UBE3D: variants seen among roughly 807,000 people sequenced by gnomAD.
UBE3D encodes the protein E3 ubiquitin-protein ligase E3D.
UBE3D carries 48 observed loss-of-function variants against 49.6 expected under a neutral mutation model. The ratio of observed to expected loss-of-function variants is 0.97; its 90% confidence interval spans 0.77 to 1.23. UBE3D has a LOEUF of 1.23. Among genes scored for constraint, UBE3D ranks in the 50% most tolerant of loss-of-function variants. The pLI is 0.00. For synonymous variants in UBE3D, 189 were observed against 174.2 expected, an observed-to-expected ratio of 1.08 and a Z score of -0.67; for missense variants, 452 against 468.4, an observed-to-expected ratio of 0.96 and a Z score of 0.32.
At chr6:82,994,032 T>A (rs1779076865) in intron 8 of UBE3D, among the ~76,000 whole-genome samples, 2 of 152,106 alleles carry the variant, frequency 1.3e-5, no homozygotes, top group Non-Finnish European at 2.9e-5. Context: ...AGGAGAAAAA[T>A]GATGGAAATA....
intron 9 of UBE3D, among the ~76,000 whole-genome samples, chr6:82,921,528 T>C (rs139910585): frequency 0.01 from 1,581 of 152,146 alleles, 13 homozygotes; most frequent in Admixed American, 0.018. Flanking sequence ...CACTCGCCCA[T>C]AGTAAATGAA....
chr6:82,988,225 G>A (rs1778655152), intron 8 of UBE3D, among the ~76,000 whole-genome samples: 1 of 152,126 alleles, frequency 6.6e-6, no homozygotes, highest in African/African-American at 2.4e-5. Context: ...CTTAGAGGAA[G>A]CTTCGACTGT....
intron 8 of UBE3D, among the ~76,000 whole-genome samples, chr6:83,016,835 T>A (rs955128989): frequency 2.0e-5 from 3 of 152,114 alleles, no homozygotes; most frequent in Admixed American, 6.5e-5. Flanking sequence ...GAGTCCAATG[T>A]TCAAGGGCAA....
intron 8 of UBE3D, among the ~76,000 whole-genome samples, chr6:82,992,079 G>A (rs1269792934): frequency 6.6e-6 from 1 of 151,998 alleles, no homozygotes; most frequent in Non-Finnish European, 1.5e-5. Context: ...GCACAAACAT[G>A]CACAGAGAAT....
At chr6:83,058,076 T>A in intron 1 of UBE3D, 54 bp from the exon 2 acceptor site, 4 of 1,576,700 alleles carry the variant, frequency 2.5e-6, no homozygotes, top group Non-Finnish European at 3.5e-6. Flanking sequence ...GAAAACCACA[T>A]GATGAAAGAA....
chr6:82,949,145 A>G (rs1423511867), intron 9 of UBE3D, among the ~76,000 whole-genome samples: 1 of 152,118 alleles, frequency 6.6e-6, no homozygotes, highest in Non-Finnish European at 1.5e-5. Flanking sequence ...AAAAACTATT[A>G]GAATTGATAA....
chr6:82,920,220 C>T (rs1773226026), intron 9 of UBE3D, among the ~76,000 whole-genome samples: 1 of 152,080 alleles, frequency 6.6e-6, no homozygotes, highest in Non-Finnish European at 1.5e-5. Context: ...TCTTTAAAGT[C>T]CTTGGCCAAA....
chr6:82,995,299 G>A (rs2770674), intron 8 of UBE3D, among the ~76,000 whole-genome samples: 133,058 of 151,964 alleles, frequency 0.88, 58,319 homozygotes, highest in East Asian at 0.96. Context: ...AATGATTGCG[G>A]TAAAAGCATA....
intron 9 of UBE3D, among the ~76,000 whole-genome samples, chr6:82,896,694 A>G (rs1320453825): frequency 6.6e-6 from 1 of 152,118 alleles, no homozygotes; most frequent in Non-Finnish European, 1.5e-5. Flanking sequence ...CAAATTTATA[A>G]TAACTGATTT....
chr6:83,000,405 A>G (rs752903027), intron 8 of UBE3D, among the ~76,000 whole-genome samples: 2 of 152,152 alleles, frequency 1.3e-5, no homozygotes, highest in Non-Finnish European at 2.9e-5. Flanking sequence ...AAATCCAATC[A>G]ATCATCAAGT....
chr6:83,046,871 A>G (rs1462400582), intron 3 of UBE3D, among the ~76,000 whole-genome samples: 1 of 152,202 alleles, frequency 6.6e-6, no homozygotes, highest in Admixed American at 6.5e-5. Context: ...TAGATTGTAC[A>G]CAGACTTCAG....
At chr6:82,921,051 G>T (rs1311627802) in intron 9 of UBE3D, among the ~76,000 whole-genome samples, 1 of 151,712 alleles carries the variant, frequency 6.6e-6, no homozygotes, top group Non-Finnish European at 1.5e-5. Flanking sequence ...AACTGCCAGG[G>T]TGCAAGTGAT....
At chr6:82,985,402 G>A (rs1364899908) in intron 8 of UBE3D, among the ~76,000 whole-genome samples, 2 of 151,808 alleles carry the variant, frequency 1.3e-5, no homozygotes, top group African/African-American at 2.4e-5. Flanking sequence ...TCTTTCTGTT[G>A]CCCAGGCTGG....
chr6:82,895,629 T>C (rs1174990080), intron 9 of UBE3D, among the ~76,000 whole-genome samples: 1 of 152,214 alleles, frequency 6.6e-6, no homozygotes, highest in Non-Finnish European at 1.5e-5. Context: ...ATTTTTTTCA[T>C]CCACAGCACA....
intron 8 of UBE3D, among the ~76,000 whole-genome samples, chr6:83,006,620 C>T (rs1779999079): frequency 6.6e-6 from 1 of 152,126 alleles, no homozygotes; most frequent in Non-Finnish European, 1.5e-5. Context: ...TAAAATTAGA[C>T]TTTTAGCCTC....
At chr6:83,043,285 T>C (rs1782798914) in intron 4 of UBE3D, among the ~76,000 whole-genome samples, 2 of 152,066 alleles carry the variant, frequency 1.3e-5, no homozygotes, top group South Asian at 4.1e-4. Flanking sequence ...ATGTATAGCT[T>C]AATCATAAAG....
chr6:83,064,693 T>C (rs1038806842), intron 1 of UBE3D, among the ~76,000 whole-genome samples: 4 of 152,198 alleles, frequency 2.6e-5, no homozygotes, highest in Non-Finnish European at 5.9e-5. Context: ...AATTCATAAA[T>C]TTTGAAAGAG....
intron 9 of UBE3D, among the ~76,000 whole-genome samples, chr6:82,901,016 A>T (rs553876283): frequency 3.9e-5 from 6 of 152,294 alleles, no homozygotes; most frequent in African/African-American, 1.4e-4. Context: ...TTATAGACAA[A>T]CTTACAAAAC....
At chr6:82,911,728 T>C (rs1208259580) in intron 9 of UBE3D, among the ~76,000 whole-genome samples, 1 of 152,064 alleles carries the variant, frequency 6.6e-6, no homozygotes, top group Non-Finnish European at 1.5e-5. Context: ...TTTTCCCCAA[T>C]GAAGGTGAGG....
Sources: allele counts gnomAD v4.1 joint callset (sites outside exome capture counted in the v4.1 genomes callset), GRCh38; gene constraint gnomAD v4.1.1; transcripts MANE v1.5; gene names NCBI Gene and HGNC (gene_info 2026-07-23, HGNC 2026-07-21).